PTPRT: variants seen among roughly 807,000 people sequenced by gnomAD.
The protein encoded by PTPRT is protein tyrosine phosphatase receptor type T, also known as receptor-type tyrosine-protein phosphatase T.
Under a neutral mutation model 176.8 loss-of-function variants are expected in PTPRT, and 56 were observed. That is an observed-to-expected ratio of 0.32 (90% CI 0.26 to 0.40). The LOEUF is 0.40. Among genes scored for constraint, PTPRT ranks in the 10% least tolerant of loss-of-function variants. The pLI is 1.00. For missense variants in PTPRT, 1,540 were observed against 1,908.2 expected (o/e 0.81, Z 3.60); for synonymous variants, 783 against 739.0 (o/e 1.06, Z -0.96).
At chr20:42,761,078 A>C (rs2076908257) in intron 5 of PTPRT, among the ~76,000 whole-genome samples, 1 of 152,204 alleles carries the variant, frequency 6.6e-6, no homozygotes, top group Non-Finnish European at 1.5e-5. Flanking sequence ...ATCTAGAGCT[A>C]TGGTTCTCGA....
intron 1 of PTPRT, among the ~76,000 whole-genome samples, chr20:43,069,019 C>A (rs995574348): frequency 6.6e-6 from 1 of 152,144 alleles, no homozygotes; most frequent in African/African-American, 2.4e-5. Flanking sequence ...ATAATGAGGT[C>A]ATGCATGCAG....
At chr20:42,133,194 T>A (rs1443863580) in intron 18 of PTPRT, among the ~76,000 whole-genome samples, 1 of 152,214 alleles carries the variant, frequency 6.6e-6, no homozygotes, top group African/African-American at 2.4e-5. Flanking sequence ...GTTCTGAGCA[T>A]GTTTAACGTA....
intron 12 of PTPRT, among the ~76,000 whole-genome samples, chr20:42,283,218 A>T (rs1436639868): frequency 2.0e-5 from 3 of 152,172 alleles, no homozygotes; most frequent in Non-Finnish European, 4.4e-5. Flanking sequence ...GCTTAGGAAG[A>T]GAATTCTCTG....
intron 6 of PTPRT, among the ~76,000 whole-genome samples, chr20:42,749,219 GC>G (rs1377679070): frequency 6.6e-6 from 1 of 152,090 alleles, no homozygotes; most frequent in Non-Finnish European, 1.5e-5. Flanking sequence ...ACAGGATGAA[GC>G]CCAGGCTCCT....
intron 1 of PTPRT, among the ~76,000 whole-genome samples, chr20:43,042,713 C>CCACCCGCCATCTCTCCTCT (rs1986662477): frequency 6.8e-6 from 1 of 147,180 alleles, no homozygotes; most frequent in African/African-American, 2.5e-5. Flanking sequence ...ACCCACCCTC[C>CCACCCGCCATCTCTCCTCT]CACCCGCCAT....
At chr20:42,275,506 C>T (rs535689271) in intron 13 of PTPRT, among the ~76,000 whole-genome samples, 1 of 152,214 alleles carries the variant, frequency 6.6e-6, no homozygotes, top group Non-Finnish European at 1.5e-5. Flanking sequence ...AGAGTTAATC[C>T]TCACTTGTTT....
intron 8 of PTPRT, among the ~76,000 whole-genome samples, chr20:42,457,322 T>G (rs1189956148): frequency 6.6e-6 from 1 of 152,184 alleles, no homozygotes; most frequent in Non-Finnish European, 1.5e-5. Context: ...AATCTTAACT[T>G]CCATTCCATG....
At chr20:42,102,001 T>C (rs531820754) in intron 26 of PTPRT, 123 bp downstream of exon 26, 41 of 1,173,614 alleles carry the variant, frequency 3.5e-5, no homozygotes, top group Non-Finnish European at 4.2e-5. Flanking sequence ...TTGGGACTAG[T>C]AGATCAGAAG....
chr20:42,869,471 C>A (rs1361483901), intron 2 of PTPRT, among the ~76,000 whole-genome samples: 1 of 152,196 alleles, frequency 6.6e-6, no homozygotes, highest in Non-Finnish European at 1.5e-5. Context: ...TGTTTGTCTT[C>A]TTGTGTTTTA....
chr20:42,796,326 GTGTAGAATACATCCAT>G (rs146610726), intron 2 of PTPRT, among the ~76,000 whole-genome samples: 2,803 of 152,328 alleles, frequency 0.018, 61 homozygotes, highest in East Asian at 0.077. Context: ...AACAGTGCTG[GTGTAGAATACATCCAT>G]TGTCACAGAA....
At chr20:43,111,185 C>T (rs1035905755) in intron 1 of PTPRT, among the ~76,000 whole-genome samples, 1 of 151,986 alleles carries the variant, frequency 6.6e-6, no homozygotes, top group Admixed American at 6.6e-5. Context: ...ACAAGGGGGT[C>T]CCCACACAAG....
chr20:42,585,336 G>C (rs2145737811), intron 7 of PTPRT, among the ~76,000 whole-genome samples: 1 of 152,324 alleles, frequency 6.6e-6, no homozygotes, highest in Non-Finnish European at 1.5e-5. Flanking sequence ...TGTCCTCTGA[G>C]AAGTCTGTCT....
chr20:42,053,274 C>T, the PTPRT span, among the ~76,000 whole-genome samples: 10 of 152,208 alleles, frequency 6.6e-5, no homozygotes, highest in South Asian at 4.2e-4. Context: ...TGGATGATTA[C>T]GAAATGAAAC....
chr20:42,201,950 C>CATGTGTGTGTGTGTGTGTGTGT (rs372486869), intron 15 of PTPRT, among the ~76,000 whole-genome samples: 2 of 143,116 alleles, frequency 1.4e-5, no homozygotes, highest in Admixed American at 1.4e-4. Context: ...AGAAAAGTTG[C>CATGTGTGTGTGTGTGTGTGTGT]GTGTGTGTGT....
At chr20:43,059,912 GA>G (rs1472324040) in intron 1 of PTPRT, among the ~76,000 whole-genome samples, 2 of 152,076 alleles carry the variant, frequency 1.3e-5, no homozygotes, top group Admixed American at 1.3e-4. Flanking sequence ...CCAGGAGGGG[GA>G]AGTTGCAGTG....
At chr20:43,088,333 G>GGTGT (rs67837016) in intron 1 of PTPRT, among the ~76,000 whole-genome samples, 2,144 of 142,802 alleles carry the variant, frequency 0.015, 23 homozygotes, top group Middle Eastern at 0.032. Flanking sequence ...TTTGCTTTGG[G>GGTGT]GTGTGTGTGT....
chr20:42,168,024 C>T (rs895632059), intron 16 of PTPRT, among the ~76,000 whole-genome samples: 7 of 152,002 alleles, frequency 4.6e-5, no homozygotes. Context: ...ATATTGTATT[C>T]CTACAGTAAA....
intron 6 of PTPRT, among the ~76,000 whole-genome samples, chr20:42,695,724 A>T (rs2075863929): frequency 6.6e-6 from 1 of 152,202 alleles, no homozygotes; most frequent in African/African-American, 2.4e-5. Context: ...TCAATTAATG[A>T]TTCATTAGTA....
chr20:42,305,809 A>G (rs1420242515), intron 12 of PTPRT, among the ~76,000 whole-genome samples: 2 of 152,174 alleles, frequency 1.3e-5, no homozygotes, highest in African/African-American at 4.8e-5. Context: ...GAGCTAAGAA[A>G]CGGAAAAGCC....
Sources: allele counts gnomAD v4.1 joint callset (sites outside exome capture counted in the v4.1 genomes callset), GRCh38; gene constraint gnomAD v4.1.1; transcripts MANE v1.5; gene names NCBI Gene and HGNC (gene_info 2026-07-23, HGNC 2026-07-21).